TTLL7: variants seen among roughly 807,000 people sequenced by gnomAD.
TTLL7 encodes tubulin tyrosine ligase like 7.
In TTLL7, 53 loss-of-function variants were observed where a neutral mutation model predicts 120.2. The observed-to-expected ratio is 0.44, with a 90% CI of 0.35 to 0.55. The LOEUF (loss-of-function observed/expected upper bound fraction) is 0.55, where lower values mean the gene tolerates loss of function less well. Among genes scored for constraint, TTLL7 ranks in the 20% least tolerant of loss-of-function variants. TTLL7 has a pLI of 0.00. For missense variants in TTLL7, 803 were observed against 1,054.7 expected (o/e 0.76, Z 3.31); for synonymous variants, 353 against 351.7 (o/e 1.00, Z -0.04).
chr1:83,865,182 A>G lies in TTLL7; in HGVS notation c.*4780T>C, dbSNP rs1312447371. On this transcript the variant is annotated 3_prime_UTR_variant, in exon 21 of 21. Coordinates refer to ENST00000260505, the MANE Select transcript of TTLL7 (RefSeq NM_024686.6). ...ATTTTCTGTAACAACATTTGCATTC[A>G]TATACAGGTAGTAAAGCACACGGGG... is the stretch of plus-strand genomic sequence containing the variant. The G allele has an allele frequency of 6.6e-6, 1 of 152,012 alleles. No individual in the cohort carries two copies. Among genetic ancestry groups the G allele is most frequent in the Non-Finnish European group, 1.5e-5 (1 of 67,920 alleles). The allele number at this position is 152,012 out of a possible 1,614,324, so 9.4% of individuals were successfully genotyped here.
chr1:83,892,487 CAT>C lies in TTLL7; in HGVS notation c.2209-2008_2209-2007del, dbSNP rs370439181. ...ACATATATATGAACATATGAATGAA[CAT>C]ATATATGAACATATGAATGAACATA... On this transcript the variant is annotated intron_variant, in intron 18 of 20. Coordinates refer to ENST00000260505, the MANE Select transcript of TTLL7 (RefSeq NM_024686.6). Among the ~76,000 whole-genome samples, 150 of 123,092 alleles carry C rather than the reference CAT, an allele frequency of 1.2e-3. 11 individuals carry two copies. The highest frequency in any genetic ancestry group is 1.5e-3 in the South Asian group (6 of 3,928). The allele number at this position is 123,092 out of a possible 152,430, so 80.8% of individuals were successfully genotyped here.
At chr1:83,984,524 G>A (rs959280058) in intron 1 of TTLL7, among the ~76,000 whole-genome samples, 2 of 152,148 alleles carry the variant, frequency 1.3e-5, no homozygotes, top group South Asian at 2.1e-4. Context: ...GAAATCAACC[G>A]AGGTGCCCAT....
At chr1:83,981,809 C>T (rs879231385) in intron 1 of TTLL7, among the ~76,000 whole-genome samples, 1 of 146,812 alleles carries the variant, frequency 6.8e-6, no homozygotes, top group Non-Finnish European at 1.5e-5. Context: ...CCAGCCTGGG[C>T]GACAGAGCGA....
At chr1:83,895,021 TCTC>T (rs1287412332) in intron 18 of TTLL7, among the ~76,000 whole-genome samples, 1 of 152,022 alleles carries the variant, frequency 6.6e-6, no homozygotes, top group African/African-American at 2.4e-5. Flanking sequence ...GAAACAGTCT[TCTC>T]CTATCTCTTC....
chr1:83,904,374 C>T (rs753575650), intron 17 of TTLL7, among the ~76,000 whole-genome samples: 5 of 152,102 alleles, frequency 3.3e-5, no homozygotes, highest in Non-Finnish European at 5.9e-5. Flanking sequence ...GTGGCCCACA[C>T]CTGTAATTCC....
At chr1:83,882,701 G>C (rs1444537729) in intron 20 of TTLL7, 5 of 309,410 alleles carry the variant, frequency 1.6e-5, no homozygotes, top group Non-Finnish European at 3.0e-5. Context: ...CTGGACTTTT[G>C]AAAGTGAAGG....
chr1:83,920,006 A>G (rs1033862481), intron 12 of TTLL7, among the ~76,000 whole-genome samples, 172 bp from the exon 13 acceptor site: 1 of 152,166 alleles, frequency 6.6e-6, no homozygotes, highest in African/African-American at 2.4e-5. Context: ...AAACCTCCAG[A>G]CAGAAAACTG....
intron 18 of TTLL7, among the ~76,000 whole-genome samples, chr1:83,900,830 G>A (rs752872111): frequency 2.6e-5 from 4 of 151,940 alleles, no homozygotes; most frequent in Non-Finnish European, 5.9e-5. Flanking sequence ...CTATCTTTCT[G>A]TCTAATAGCA....
At chr1:83,961,296 T>C (rs190069525) in intron 1 of TTLL7, among the ~76,000 whole-genome samples, 2 of 152,246 alleles carry the variant, frequency 1.3e-5, no homozygotes, top group African/African-American at 4.8e-5. Context: ...TGTCACAATT[T>C]TCAAATCCCT....
chr1:83,943,361 G>A (rs944723393), intron 6 of TTLL7, among the ~76,000 whole-genome samples: 1 of 152,130 alleles, frequency 6.6e-6, no homozygotes, highest in African/African-American at 2.4e-5. Flanking sequence ...GCTCAAGAAA[G>A]ACCCGAGAAG....
chr1:83,930,499 T>C (rs1659503414), intron 9 of TTLL7, among the ~76,000 whole-genome samples: 1 of 152,134 alleles, frequency 6.6e-6, no homozygotes, highest in Non-Finnish European at 1.5e-5. Flanking sequence ...ATAGGTCAAT[T>C]TGAGAAAGGG....
intron 1 of TTLL7, among the ~76,000 whole-genome samples, chr1:83,992,953 TCA>T (rs1653144263): frequency 6.6e-6 from 1 of 152,126 alleles, no homozygotes; most frequent in Non-Finnish European, 1.5e-5. Flanking sequence ...ATTATGAATA[TCA>T]CACATGGTCG....
chr1:83,904,685 A>C (rs1379037801), intron 17 of TTLL7, among the ~76,000 whole-genome samples: 1 of 152,134 alleles, frequency 6.6e-6, no homozygotes, highest in Admixed American at 6.6e-5. Flanking sequence ...CTTCAGGCAC[A>C]TAAGATTTGG....
In TTLL7 at chr1:83,869,843, A is replaced by G. The variant is rs1268734631; in HGVS notation, c.*119T>C. Reference sequence around the variant, plus strand: ...TGCATATGTGCATATATTTTCACACATATATATGTCTTATATACATAAAAC... The same window carrying G: ...TGCATATGTGCATATATTTTCACACGTATATATGTCTTATATACATAAAAC... On this transcript the variant is annotated 3_prime_UTR_variant, in exon 21 of 21. Coordinates refer to ENST00000260505, the MANE Select transcript of TTLL7 (RefSeq NM_024686.6). 1.9e-6 allele frequency: 2 copies of G among 1,055,100 alleles called. No individual in the cohort carries two copies. The highest frequency in any genetic ancestry group is 3.0e-5 in the East Asian group (1 of 33,600). 65.4% of individuals were successfully genotyped at this position (1,055,100 alleles called of 1,614,324 possible). A position where few individuals can be genotyped will look rare whatever the true frequency, so the allele number is the denominator to read the frequency against.
At chr1:83,955,673 G>A (rs558509610) in intron 1 of TTLL7, among the ~76,000 whole-genome samples, 50 of 152,288 alleles carry the variant, frequency 3.3e-4, no homozygotes, top group Admixed American at 5.2e-4. Flanking sequence ...AATTTGTGGC[G>A]TTTTGTTATA....
At chr1:83,929,036 AAAAT>A (rs1313362236) in intron 10 of TTLL7, 96 bp downstream of exon 10, 1 of 487,658 alleles carries the variant, frequency 2.1e-6, no homozygotes, top group Non-Finnish European at 3.4e-6. Flanking sequence ...ATAAAATATA[AAAAT>A]AAATATACTA....
At chr1:83,916,784 C>T (rs548356401) in intron 14 of TTLL7, among the ~76,000 whole-genome samples, 1 of 152,112 alleles carries the variant, frequency 6.6e-6, no homozygotes, top group East Asian at 1.9e-4. Flanking sequence ...CTAGCAAGAA[C>T]TTTGACATAT....
At chr1:83,900,407 C>A (rs183726069) in intron 18 of TTLL7, among the ~76,000 whole-genome samples, 1 of 151,890 alleles carries the variant, frequency 6.6e-6, no homozygotes, top group African/African-American at 2.4e-5. Flanking sequence ...ATACAAAGTG[C>A]CATGAAGATT....
In TTLL7 at chr1:83,911,290, T is replaced by A; in HGVS notation, c.1661A>T (p.Asp554Val). The change falls in exon 15 of 21, where the codon GAT becomes GTT. Residue 554 changes from aspartate to valine, a missense_variant. Asp to Val is a radical substitution (Grantham distance 152). This residue lies in a region of TTLL7 where 388 missense variants were observed against 450.4 expected (regional missense o/e 0.86). Coordinates refer to ENST00000260505, the MANE Select transcript of TTLL7 (RefSeq NM_024686.6). ...AGATTCTGAAGAGCTGCTGCTACTA[T>A]CATAACTGCTGTCACTGCTGCAGTA... ...PKYCSSDSSYDSSSSSSESDE... is the reference protein window; with the variant it reads ...PKYCSSDSSYVSSSSSSESDE... 6.2e-7 allele frequency: 1 copy of A among 1,613,768 alleles called. No individual in the cohort carries two copies. The highest frequency in any genetic ancestry group is 8.5e-7 in the Non-Finnish European group (1 of 1,179,786).
Sources: gnomAD v4.1 joint callset for allele counts (sites outside exome capture counted in the v4.1 genomes callset) on GRCh38, gnomAD v4.1.1 for gene constraint, gnomAD v4.1.1 regional missense constraint, MANE v1.5 for transcripts, NCBI Gene and HGNC (gene_info 2026-07-23, HGNC 2026-07-21) for gene names.